The following ATG13 variants were observed in gnomAD, a reference collection of about 807,000 sequenced individuals.
The protein encoded by ATG13 is autophagy-related protein 13.
In ATG13, 23 loss-of-function variants were observed where a neutral mutation model predicts 65.5. That is an observed-to-expected ratio of 0.35 (90% CI 0.25 to 0.50). The LOEUF (loss-of-function observed/expected upper bound fraction) is 0.50, where lower values mean the gene tolerates loss of function less well. Ranked by LOEUF, ATG13 falls within the 20% of genes least tolerant of loss-of-function variation. The probability of loss-of-function intolerance (pLI) is 0.98; values close to 1 mark genes in which losing one functional copy is unlikely to be tolerated. For synonymous variants in ATG13, 252 were observed against 245.2 expected (o/e 1.03, Z -0.26); for missense variants, 566 against 677.0 (o/e 0.84, Z 1.82).
At chr11:46,630,321 G>T (rs944478031) in intron 2 of ATG13, among the ~76,000 whole-genome samples, 3 of 152,180 alleles carry the variant, frequency 2.0e-5, no homozygotes, top group Admixed American at 6.6e-5. Flanking sequence ...GAAGTGAACT[G>T]ATTTGAACCA....
intron 7 of ATG13, among the ~76,000 whole-genome samples, chr11:46,654,283 T>TATATATA (rs1555105175): frequency 0.027 from 3,320 of 122,226 alleles, 71 homozygotes; most frequent in Non-Finnish European, 0.037. Context: ...TTTTAAAATT[T>TATATATA]TATATATATA....
At chr11:46,669,228 G>T (rs758230484) in intron 17 of ATG13, among the ~76,000 whole-genome samples, 176 bp from the exon 18 acceptor site, 1 of 152,156 alleles carries the variant, frequency 6.6e-6, no homozygotes, top group Non-Finnish European at 1.5e-5. Flanking sequence ...TAGTGGAGAG[G>T]AATATTATCA....
rs1045902725 is a variant in ATG13 at position 46,650,106 on chromosome 11, A to G, written c.318-71A>G. ...CTCTGGTTAGTCAGAACATGTCTTA[A>G]TAATAAATTTGGTCTTGTGTAGCTC... On this transcript the variant is annotated intron_variant, in intron 6 of 18. Transcript: ENST00000683050. 81 of 1,529,656 alleles carry G rather than the reference A, an allele frequency of 5.3e-5. No homozygotes were observed. The South Asian group carries it at 9.0e-4, about 17-fold the overall frequency. The allele number at this position is 1,529,656 out of a possible 1,614,324, so 94.8% of individuals were successfully genotyped here.
chr11:46,658,081 AAAG>A (rs1210334146), intron 10 of ATG13, among the ~76,000 whole-genome samples: 8 of 152,166 alleles, frequency 5.3e-5, no homozygotes, highest in Non-Finnish European at 8.8e-5. Flanking sequence ...AAAAAAAAAA[AAAG>A]ACTTTTCTCA....
chr11:46,633,032 T>A (rs1164414329), intron 2 of ATG13, among the ~76,000 whole-genome samples: 14 of 136,006 alleles, frequency 1.0e-4, no homozygotes, highest in South Asian at 4.6e-4. Flanking sequence ...ATATATTTTT[T>A]TTTTTTTTTG....
At chr11:46,663,688 A>T (rs1358635860) in intron 11 of ATG13, among the ~76,000 whole-genome samples, 2 of 152,116 alleles carry the variant, frequency 1.3e-5, no homozygotes, top group African/African-American at 4.8e-5. Context: ...AGACAGACTA[A>T]TGGTTGACTC....
intron 13 of ATG13, 45 bp downstream of exon 13, chr11:46,665,004 C>T: frequency 6.4e-7 from 1 of 1,564,700 alleles, no homozygotes; most frequent in South Asian, 1.1e-5. Flanking sequence ...AGTGCTGCCT[C>T]CCCTGCCCGG....
At chr11:46,658,787 C>T (rs534583058) in intron 10 of ATG13, among the ~76,000 whole-genome samples, 4 of 152,132 alleles carry the variant, frequency 2.6e-5, no homozygotes, top group South Asian at 4.1e-4. Flanking sequence ...CCGCCTGCTT[C>T]GGCCTCCCAA....
intron 11 of ATG13, among the ~76,000 whole-genome samples, chr11:46,661,100 A>G (rs2061094487): frequency 6.6e-6 from 1 of 152,132 alleles, no homozygotes; most frequent in Non-Finnish European, 1.5e-5. Flanking sequence ...ATCTTGGCTC[A>G]CTGCAGCCTC....
intron 12 of ATG13, 98 bp downstream of exon 12, chr11:46,664,193 A>G (rs1284873920): frequency 1.0e-5 from 10 of 966,942 alleles, no homozygotes; most frequent in African/African-American, 1.7e-5. Flanking sequence ...AAATGTCCCA[A>G]GTGTTCTGTG....
intron 7 of ATG13, among the ~76,000 whole-genome samples, chr11:46,650,883 T>G (rs1038527049): frequency 6.6e-6 from 1 of 152,138 alleles, no homozygotes; most frequent in African/African-American, 2.4e-5. Flanking sequence ...GGATTATAGG[T>G]GTGAGCCACG....
chr11:46,622,076 C>CATATATATATAT (rs58391951), intron 1 of ATG13, among the ~76,000 whole-genome samples: 14 of 71,840 alleles, frequency 1.9e-4, no homozygotes, highest in East Asian at 6.3e-4. Context: ...TATTTATTTA[C>CATATATATATAT]ATATATATAT....
intron 3 of ATG13, among the ~76,000 whole-genome samples, chr11:46,644,969 C>T (rs1435043448): frequency 6.6e-6 from 1 of 152,120 alleles, no homozygotes; most frequent in East Asian, 1.9e-4. Context: ...TTTAAATCTA[C>T]CATGGTGTTA....
At position 46,649,074 on chromosome 11, in the gene ATG13, G is replaced by T. The variant is rs2058364872; in HGVS notation, c.271-63G>T. On this transcript the variant is annotated intron_variant, in intron 5 of 18. Transcript: ENST00000683050. ...CTATACCTTTTAATATTTTTATAGT[G>T]ACTGTAATGCTTTGAAATTAAAAAT... 5.1e-6 allele frequency: 7 copies of T among 1,375,652 alleles called. No individual in the cohort carries two copies. In the South Asian group the frequency reaches 9.1e-5, roughly 18 times the overall value. The allele number at this position is 1,375,652 out of a possible 1,614,324, so 85.2% of individuals were successfully genotyped here.
In ATG13 at chr11:46,665,471, C is replaced by T. The variant is rs2062093739; in HGVS notation, c.1088C>T (p.Thr363Ile). ...GTQADQERLA[T>I]CTPSDRTHCA... ...CAGGCTGACCAGGAGAGACTGGCAA[C>T]CTGCACCCCTTCTGACAGAACCCAC... is the stretch of plus-strand genomic sequence containing the variant. Residue 363 changes from threonine (T) to isoleucine (I), a missense_variant, in exon 14 of 19, where the codon ACC becomes ATC. Thr to Ile is a moderately conservative substitution (Grantham distance 89). Coordinates refer to ENST00000683050, the MANE Select transcript of ATG13 (RefSeq NM_001346311.2). 6.2e-7 allele frequency: 1 copy of T among 1,614,238 alleles called. No individual in the cohort carries two copies. Among genetic ancestry groups the T allele is most frequent in the Non-Finnish European group, 8.5e-7 (1 of 1,180,032 alleles).
chr11:46,626,086 G>T (rs1204148450), intron 1 of ATG13, among the ~76,000 whole-genome samples: 1 of 152,094 alleles, frequency 6.6e-6, no homozygotes, highest in Non-Finnish European at 1.5e-5. Context: ...CTCCCAAGTA[G>T]CTGGGACTAC....
intron 5 of ATG13, 39 bp downstream of exon 5, chr11:46,646,028 G>A (rs1377500513): frequency 1.2e-6 from 2 of 1,612,346 alleles, no homozygotes; most frequent in African/African-American, 2.7e-5. Context: ...ATTTAGCACT[G>A]AAGGCTCCTC....
chr11:46,630,189 G>A (rs1388974350), intron 2 of ATG13, 89 bp downstream of exon 2: 1 of 152,182 alleles, frequency 6.6e-6, no homozygotes, highest in East Asian at 1.9e-4. Flanking sequence ...GAATAGAATG[G>A]GAAAAGCTGA....
At chr11:46,647,299 T>G (rs918138447) in intron 5 of ATG13, among the ~76,000 whole-genome samples, 1 of 95,472 alleles carries the variant, frequency 1.0e-5, no homozygotes, top group African/African-American at 2.9e-5. Context: ...TTTTGTTTTT[T>G]TTTTTTGAGA....
Sources: allele counts gnomAD v4.1 joint callset (sites outside exome capture counted in the v4.1 genomes callset), GRCh38; gene constraint gnomAD v4.1.1; transcripts MANE v1.5; gene names NCBI Gene and HGNC (gene_info 2026-07-23, HGNC 2026-07-21).